RAB31: variants seen among roughly 807,000 people sequenced by gnomAD.
RAB31 encodes the protein RAB31, member RAS oncogene family.
Under a neutral mutation model 25.6 loss-of-function variants are expected in RAB31, and 21 were observed. That is an observed-to-expected ratio of 0.82 (90% CI 0.58 to 1.18). The LOEUF is 1.18. RAB31 is among the 50% of genes most tolerant of loss of function. The pLI is 0.00. For synonymous variants in RAB31, 87 were observed against 84.0 expected, an observed-to-expected ratio of 1.04 and a Z score of -0.20; for missense variants, 196 against 250.1, an observed-to-expected ratio of 0.78 and a Z score of 1.46.
At chr18:9,757,057 C>T (rs948722351) in intron 1 of RAB31, among the ~76,000 whole-genome samples, 1 of 152,176 alleles carries the variant, frequency 6.6e-6, no homozygotes. Context: ...GTTATTTCTC[C>T]TTGGTGGGCA....
chr18:9,846,000 A>G (rs2068760029), intron 6 of RAB31, among the ~76,000 whole-genome samples: 1 of 152,188 alleles, frequency 6.6e-6, no homozygotes, highest in African/African-American at 2.4e-5. Context: ...TTATGTTAGG[A>G]GGAGAGAGAA....
At chr18:9,855,202 A>G (rs2068809486) in intron 6 of RAB31, among the ~76,000 whole-genome samples, 1 of 152,212 alleles carries the variant, frequency 6.6e-6, no homozygotes, top group African/African-American at 2.4e-5. Context: ...AATCATTTCT[A>G]AAACCTGCGT....
At chr18:9,760,559 T>C (rs940635483) in intron 1 of RAB31, among the ~76,000 whole-genome samples, 2 of 152,182 alleles carry the variant, frequency 1.3e-5, no homozygotes, top group African/African-American at 2.4e-5. Flanking sequence ...TCAAATAGAA[T>C]GATCTTATGA....
At chr18:9,765,816 T>C (rs900385987) in intron 1 of RAB31, among the ~76,000 whole-genome samples, 5 of 152,134 alleles carry the variant, frequency 3.3e-5, no homozygotes, top group African/African-American at 1.2e-4. Context: ...TGTTCGTTGT[T>C]TTAACCTCCA....
intron 6 of RAB31, among the ~76,000 whole-genome samples, chr18:9,853,527 C>T (rs116683105): frequency 0.03 from 4,600 of 152,052 alleles, 261 homozygotes; most frequent in African/African-American, 0.1. Flanking sequence ...TGTGGGCTGT[C>T]AGGGAAGGGA....
intron 1 of RAB31, among the ~76,000 whole-genome samples, chr18:9,750,337 C>T (rs1599023592): frequency 6.6e-6 from 1 of 152,184 alleles, no homozygotes; most frequent in Non-Finnish European, 1.5e-5. Context: ...GTCTGCGTCC[C>T]GGTTGACCCT....
rs2068238731 is a variant in RAB31 at position 9,752,221 on chromosome 18, TTTTA to T, written c.40-23045_40-23042del. Reference sequence around the variant, plus strand: ...TCTGTCTGTGACACCAGCTTGGCTGTTTTATTTATTTATTTTTTTTTGAGATGGA... The same window carrying T: ...TCTGTCTGTGACACCAGCTTGGCTGTTTTATTTATTTTTTTTTGAGATGGA... On this transcript the variant is annotated intron_variant, in intron 1 of 6. Transcript: ENST00000578921. Among the ~76,000 whole-genome samples the T allele has an allele frequency of 3.3e-5, 5 of 152,094 alleles. No homozygotes were observed. In the South Asian group the frequency reaches 8.3e-4, roughly 25 times the overall value.
chr18:9,774,534 GTCC>G (rs2068362139), intron 1 of RAB31, among the ~76,000 whole-genome samples: 1 of 152,150 alleles, frequency 6.6e-6, no homozygotes, highest in South Asian at 2.1e-4. Context: ...GGGACCGCTT[GTCC>G]TCCTGGATTT....
At chr18:9,790,400 A>AC (rs1321521370) in intron 2 of RAB31, among the ~76,000 whole-genome samples, 2 of 135,000 alleles carry the variant, frequency 1.5e-5, no homozygotes, top group African/African-American at 2.5e-5. Flanking sequence ...GATTTAAAAA[A>AC]AAAAATTTTT....
At chr18:9,743,026 GT>G (rs1471641160) in intron 1 of RAB31, among the ~76,000 whole-genome samples, 1 of 152,196 alleles carries the variant, frequency 6.6e-6, no homozygotes, top group Non-Finnish European at 1.5e-5. Context: ...AGCAAACATG[GT>G]TTGGACTTGT....
chr18:9,761,079 G>A (rs1476808008), intron 1 of RAB31, among the ~76,000 whole-genome samples: 1 of 152,100 alleles, frequency 6.6e-6, no homozygotes, highest in Non-Finnish European at 1.5e-5. Flanking sequence ...TTTCATGGTA[G>A]CTCTGTAGCC....
In RAB31 at chr18:9,794,745, G is replaced by A. The variant is rs532785133; in HGVS notation, c.201+2510G>A. ...CAGAAGAATCACTTGAACCCGGGAGGCGGAGGTTGCAGTGAGCTGAGATCA... is the reference window on the plus strand; with the variant it reads ...CAGAAGAATCACTTGAACCCGGGAGACGGAGGTTGCAGTGAGCTGAGATCA... On this transcript the variant is annotated intron_variant, in intron 3 of 6. Coordinates refer to ENST00000578921, the MANE Select transcript of RAB31 (RefSeq NM_006868.4). Among the ~76,000 whole-genome samples, 445 of 152,232 alleles carry A rather than the reference G, an allele frequency of 2.9e-3. 1 individual carries two copies. Among genetic ancestry groups the A allele is most frequent in the African/African-American group, 0.01 (421 of 41,534 alleles).
At chr18:9,727,390 T>C (rs1474131526) in intron 1 of RAB31, among the ~76,000 whole-genome samples, 1 of 152,210 alleles carries the variant, frequency 6.6e-6, no homozygotes, top group Non-Finnish European at 1.5e-5. Flanking sequence ...GATCATAGCT[T>C]ACTGCAGCCT....
chr18:9,764,393 T>TCTCCA (rs2068303858), intron 1 of RAB31, among the ~76,000 whole-genome samples: 2 of 152,116 alleles, frequency 1.3e-5, no homozygotes, highest in Non-Finnish European at 1.5e-5. Context: ...CCTGGAGAGA[T>TCTCCA]GGTTTGGCTG....
chr18:9,709,063 G>A (rs977548724), intron 1 of RAB31, among the ~76,000 whole-genome samples: 4 of 152,340 alleles, frequency 2.6e-5, no homozygotes, highest in African/African-American at 7.2e-5. Context: ...CCTGTGCGGA[G>A]CGCGCCCTGC....
chr18:9,765,810 C>T (rs1038955486), intron 1 of RAB31, among the ~76,000 whole-genome samples: 9 of 152,020 alleles, frequency 5.9e-5, no homozygotes, highest in Admixed American at 3.9e-4. Context: ...GAGTGATGTT[C>T]GTTGTTTTAA....
chr18:9,718,200 G>T (rs1000571971), intron 1 of RAB31, among the ~76,000 whole-genome samples: 7 of 151,296 alleles, frequency 4.6e-5, no homozygotes, highest in Non-Finnish European at 8.8e-5. Context: ...TCATCTCATG[G>T]CATCAATACT....
intron 6 of RAB31, among the ~76,000 whole-genome samples, chr18:9,857,094 T>C (rs2068820002): frequency 6.6e-6 from 1 of 152,226 alleles, no homozygotes; most frequent in Non-Finnish European, 1.5e-5. Context: ...GCAAAAGCTC[T>C]GTAGATCTCT....
In RAB31 at chr18:9,792,235, G is replaced by C; in HGVS notation, c.201G>C (p.Arg67=). The stretch of plus-strand genomic sequence containing the variant: ...TCTGGGACACTGCTGGTCAGGAACG[G>C]GTGAGTATATGCTGTTTTTTGGTGA... ...FLIWDTAGQE[R]FHSLAPMYYR... is the part of the protein sequence containing the mutation. Residue 67 remains arginine, a splice_region_variant and synonymous_variant, in exon 3 of 7, where the codon CGG becomes CGC. Coordinates refer to ENST00000578921, the MANE Select transcript of RAB31 (RefSeq NM_006868.4). 6.2e-7 allele frequency: 1 copy of C among 1,610,464 alleles called. No homozygotes were observed. The highest frequency in any genetic ancestry group is 1.1e-5 in the South Asian group (1 of 90,066).
Sources: gnomAD v4.1 joint callset for allele counts (sites outside exome capture counted in the v4.1 genomes callset) on GRCh38, gnomAD v4.1.1 for gene constraint, MANE v1.5 for transcripts, NCBI Gene and HGNC (gene_info 2026-07-23, HGNC 2026-07-21) for gene names.